NYAP2: variants seen among roughly 807,000 people sequenced by gnomAD.
NYAP2 encodes the protein neuronal tyrosine-phosphorylated phosphoinositide-3-kinase adapter 2.
Under a neutral mutation model 50.4 loss-of-function variants are expected in NYAP2, and 23 were observed. The ratio of observed to expected loss-of-function variants is 0.46; its 90% CI spans 0.33 to 0.65. The LOEUF is 0.65. NYAP2 is among the 30% of genes least tolerant of loss of function. The probability of loss-of-function intolerance (pLI) is 0.02; values close to 1 mark genes in which losing one functional copy is unlikely to be tolerated. For missense variants in NYAP2, 885 were observed against 861.0 expected (o/e 1.03, Z -0.35); for synonymous variants, 394 against 365.2 (o/e 1.08, Z -0.90).
intron 3 of NYAP2, among the ~76,000 whole-genome samples, chr2:225,510,344 T>TG (rs552147352): frequency 8.4e-4 from 128 of 152,258 alleles, no homozygotes; most frequent in Middle Eastern, 3.4e-3. Flanking sequence ...TTAATATTTC[T>TG]GGGGGGGTTC....
intron 3 of NYAP2, among the ~76,000 whole-genome samples, chr2:225,414,706 C>T (rs1695095725): frequency 1.3e-5 from 2 of 151,832 alleles, no homozygotes; most frequent in Non-Finnish European, 2.9e-5. Flanking sequence ...ATTTACAGGC[C>T]ACCAAGTTTA....
intron 4 of NYAP2, among the ~76,000 whole-genome samples, chr2:225,538,050 T>C (rs1691382978): frequency 6.6e-6 from 1 of 152,204 alleles, no homozygotes; most frequent in African/African-American, 2.4e-5. Context: ...AAGAGGTGGG[T>C]TCCCATGGTC....
At chr2:225,652,206 G>T (rs570683808) in exon 7 of NYAP2, 6 of 152,054 alleles carry the variant, frequency 3.9e-5, no homozygotes, top group African/African-American at 1.2e-4. Flanking sequence ...AATTTGACTG[G>T]CCAGACAAAT....
chr2:225,665,154 C>A, the NYAP2 span, among the ~76,000 whole-genome samples: 1 of 152,104 alleles, frequency 6.6e-6, no homozygotes, highest in African/African-American at 2.4e-5. Flanking sequence ...TTTAGATTTT[C>A]TCTTTACAAA....
chr2:225,603,210 G>A (rs1448636705), intron 5 of NYAP2, among the ~76,000 whole-genome samples: 1 of 152,036 alleles, frequency 6.6e-6, no homozygotes, highest in Non-Finnish European at 1.5e-5. Context: ...ATTTAATCAT[G>A]TTTATGCATC....
chr2:225,619,555 T>C (rs1188183021), intron 5 of NYAP2, among the ~76,000 whole-genome samples: 1 of 152,130 alleles, frequency 6.6e-6, no homozygotes, highest in African/African-American at 2.4e-5. Context: ...GGGTCAGACC[T>C]AGCGGTAAAA....
At chr2:225,475,878 G>A (rs116632865) in intron 3 of NYAP2, among the ~76,000 whole-genome samples, 2,074 of 152,232 alleles carry the variant, frequency 0.014, 45 homozygotes, top group African/African-American at 0.047. Context: ...GGAGAACATG[G>A]CACCTTATGG....
the NYAP2 span, among the ~76,000 whole-genome samples, chr2:225,669,247 T>C: frequency 6.6e-6 from 1 of 152,048 alleles, no homozygotes; most frequent in Non-Finnish European, 1.5e-5. Flanking sequence ...ATCTCTTTCT[T>C]TTTACAAAAG....
chr2:225,641,735 C>T (rs970768424), intron 6 of NYAP2, among the ~76,000 whole-genome samples: 1 of 151,998 alleles, frequency 6.6e-6, no homozygotes, highest in East Asian at 1.9e-4. Flanking sequence ...ATTGCTTGAA[C>T]CAGGACCCGG....
intron 4 of NYAP2, among the ~76,000 whole-genome samples, chr2:225,558,142 T>C (rs562149665): frequency 1.7e-4 from 26 of 152,278 alleles, no homozygotes; most frequent in Admixed American, 3.3e-4. Context: ...CAAGGTGTTT[T>C]GCATTATTAA....
chr2:225,593,998 T>C (rs976288544), intron 5 of NYAP2, among the ~76,000 whole-genome samples: 2 of 152,182 alleles, frequency 1.3e-5, no homozygotes, highest in Non-Finnish European at 2.9e-5. Flanking sequence ...GCAGATTTAT[T>C]GGAGGGAAAG....
chr2:225,596,639 A>G (rs1329677141), intron 5 of NYAP2, among the ~76,000 whole-genome samples: 1 of 152,188 alleles, frequency 6.6e-6, no homozygotes, highest in Non-Finnish European at 1.5e-5. Flanking sequence ...GCACCATCCA[A>G]TAGAATTGCC....
rs139014301 is a variant in NYAP2, at chr2:225,563,220, G to A, written c.524-18721G>A. On this transcript the variant is annotated intron_variant, in intron 4 of 6. Transcript: ENST00000636099. ...AAATAAACATGCACCTAGAGATGGTGGCAAGAAACAGGGGAGGGTTCCAAA... is the reference window on the plus strand; with the variant it reads ...AAATAAACATGCACCTAGAGATGGTAGCAAGAAACAGGGGAGGGTTCCAAA... Among the ~76,000 whole-genome samples the A allele has an allele frequency of 1.2e-3, 181 of 152,174 alleles. 1 individual carries two copies. The highest frequency in any genetic ancestry group is 4.2e-3 in the African/African-American group (173 of 41,538).
intron 3 of NYAP2, among the ~76,000 whole-genome samples, chr2:225,442,874 G>C (rs73082849): frequency 0.012 from 1,847 of 152,264 alleles, 34 homozygotes; most frequent in African/African-American, 0.041. Context: ...ACCGTGCCTG[G>C]CCAGAAAAAG....
At chr2:225,508,603 C>T (rs1690752658) in intron 3 of NYAP2, among the ~76,000 whole-genome samples, 1 of 152,072 alleles carries the variant, frequency 6.6e-6, no homozygotes, top group African/African-American at 2.4e-5. Flanking sequence ...GCAGGTCTAG[C>T]ACCTGTAGAA....
intron 3 of NYAP2, among the ~76,000 whole-genome samples, chr2:225,452,475 T>C (rs1689668491): frequency 6.6e-6 from 1 of 152,202 alleles, no homozygotes; most frequent in Non-Finnish European, 1.5e-5. Context: ...TGGACAGCTT[T>C]CTTGGATGGT....
intron 4 of NYAP2, among the ~76,000 whole-genome samples, chr2:225,559,903 CA>C (rs1286000357): frequency 6.6e-6 from 1 of 151,908 alleles, no homozygotes; most frequent in Non-Finnish European, 1.5e-5. Flanking sequence ...TCCCAAGAAC[CA>C]AATTTCATCC....
At chr2:225,586,656 C>A (rs561859790) in intron 5 of NYAP2, among the ~76,000 whole-genome samples, 1 of 152,132 alleles carries the variant, frequency 6.6e-6, no homozygotes, top group Admixed American at 6.5e-5. Flanking sequence ...CTTTCTTTTG[C>A]ATTTTTTGAT....
At chr2:225,659,882 G>C in the NYAP2 span, among the ~76,000 whole-genome samples, 5 of 152,070 alleles carry the variant, frequency 3.3e-5, no homozygotes, top group African/African-American at 1.2e-4. Flanking sequence ...TTTTCTGCTT[G>C]CTGGAAAATT....
Sources: gnomAD v4.1 joint callset for allele counts (sites outside exome capture counted in the v4.1 genomes callset) on GRCh38, gnomAD v4.1.1 for gene constraint, MANE v1.5 for transcripts, NCBI Gene and HGNC (gene_info 2026-07-23, HGNC 2026-07-21) for gene names.